The following CGNL1 variants were observed in gnomAD, a reference collection of about 807,000 sequenced individuals.
CGNL1 encodes cingulin-like protein 1.
In CGNL1, 132 loss-of-function variants were observed where a neutral mutation model predicts 141.2. The observed-to-expected ratio is 0.93, with a 90% CI of 0.81 to 1.08. The LOEUF (loss-of-function observed/expected upper bound fraction) is 1.08. CGNL1 is among the 50% of genes least tolerant of loss of function. The pLI is 0.00. For synonymous variants in CGNL1, 690 were observed against 622.1 expected (o/e 1.11, Z -1.63); for missense variants, 1,870 against 1,588.6 (o/e 1.18, Z -3.01).
intron 1 of CGNL1, among the ~76,000 whole-genome samples, chr15:57,423,059 T>C (rs998549144): frequency 1.3e-5 from 2 of 152,134 alleles, no homozygotes; most frequent in Non-Finnish European, 2.9e-5. Flanking sequence ...GAAGTGACTC[T>C]TTTTGTCTGG....
At chr15:57,475,492 GGTGTGTGTGTGTGTGT>G (rs72168222) in intron 8 of CGNL1, among the ~76,000 whole-genome samples, 210 of 147,910 alleles carry the variant, frequency 1.4e-3, no homozygotes, top group East Asian at 9.9e-3. Flanking sequence ...ATACAAGTGT[GGTGTGTGTGTGTGTGT>G]GTGTGTGTGT....
chr15:57,389,116 C>T (rs1260679917), intron 1 of CGNL1, among the ~76,000 whole-genome samples: 3 of 151,986 alleles, frequency 2.0e-5, no homozygotes, highest in African/African-American at 7.3e-5. Flanking sequence ...TGCACCTGGG[C>T]AGCTGGGCTT....
intron 7 of CGNL1, among the ~76,000 whole-genome samples, chr15:57,458,911 C>A (rs1240188430): frequency 6.6e-6 from 1 of 152,214 alleles, no homozygotes; most frequent in African/African-American, 2.4e-5. Context: ...TAGTTAGATT[C>A]TTGATGGGCA....
chr15:57,438,942 G>C lies in CGNL1; in HGVS notation c.943G>C (p.Asp315His), dbSNP rs765482546. ...CAACTCTTTGTACAGGTTTTTACTG[G>C]ATGATCAGGAATGTGCCATCCATGC... ...SANSLYRFLL[D>H]DQECAIHADN... Residue 315 changes from aspartate to histidine, a missense_variant, in exon 2 of 19, where the codon GAT becomes CAT. Coordinates refer to ENST00000281282, the MANE Select transcript of CGNL1 (RefSeq NM_032866.5). The C allele has an allele frequency of 6.2e-7, 1 of 1,614,170 alleles. No homozygotes were observed.
At chr15:57,419,642 T>C (rs545769812) in intron 1 of CGNL1, among the ~76,000 whole-genome samples, 15 of 152,334 alleles carry the variant, frequency 9.8e-5, no homozygotes, top group Admixed American at 9.8e-4. Flanking sequence ...ATGGGGCTTC[T>C]ATGTGGGAGG....
intron 10 of CGNL1, 133 bp from the exon 11 acceptor site, chr15:57,523,356 T>C: frequency 1.3e-6 from 1 of 743,558 alleles, no homozygotes; most frequent in Non-Finnish European, 2.2e-6. Flanking sequence ...AGCTTTATTT[T>C]GATCTTCTTC....
At position 57,461,190 on chromosome 15, in the gene CGNL1, T is replaced by C. The variant is rs140018564; in HGVS notation, c.2191-490T>C. Among the ~76,000 whole-genome samples, 726 of 152,198 alleles carry C rather than the reference T, an allele frequency of 4.8e-3. 2 individuals carry two copies. Among genetic ancestry groups the C allele is most frequent in the Non-Finnish European group, 8.1e-3 (553 of 67,986 alleles). On this transcript the variant is annotated intron_variant, in intron 7 of 18. Coordinates refer to ENST00000281282, the MANE Select transcript of CGNL1 (RefSeq NM_032866.5). ...ATATGAATATTGTGCTCTGCTCAGATGGGCAAATGAGATAGAAGAAAAACA... is the reference window on the plus strand; with the variant it reads ...ATATGAATATTGTGCTCTGCTCAGACGGGCAAATGAGATAGAAGAAAAACA...
chr15:57,469,484 C>T (rs545640274), intron 8 of CGNL1, among the ~76,000 whole-genome samples: 1 of 151,748 alleles, frequency 6.6e-6, no homozygotes, highest in South Asian at 2.1e-4. Flanking sequence ...GAAGCAGCCA[C>T]ATCCAGTGAC....
At chr15:57,492,532 T>C (rs1186423119) in intron 8 of CGNL1, among the ~76,000 whole-genome samples, 2 of 152,132 alleles carry the variant, frequency 1.3e-5, no homozygotes, top group Non-Finnish European at 2.9e-5. Context: ...TAAAAGATCA[T>C]AGGAAATATA....
intron 1 of CGNL1, among the ~76,000 whole-genome samples, chr15:57,390,506 C>T (rs2062530849): frequency 6.6e-6 from 1 of 152,202 alleles, no homozygotes; most frequent in Non-Finnish European, 1.5e-5. Context: ...AACTCGAAGT[C>T]ATATGGCAAA....
At chr15:57,468,234 CTTTTTT>C (rs57360097) in intron 8 of CGNL1, among the ~76,000 whole-genome samples, 18 of 85,910 alleles carry the variant, frequency 2.1e-4, no homozygotes, top group Middle Eastern at 7.0e-3. Context: ...TTTTCTTTTT[CTTTTTT>C]TTTTTTTTTT....
At chr15:57,382,394 A>T (rs772371146) in intron 1 of CGNL1, among the ~76,000 whole-genome samples, 1 of 152,118 alleles carries the variant, frequency 6.6e-6, no homozygotes, top group Non-Finnish European at 1.5e-5. Context: ...TTTGTTATGA[A>T]CGTGCAATAT....
intron 14 of CGNL1, among the ~76,000 whole-genome samples, chr15:57,538,903 G>A (rs2032413987): frequency 6.6e-6 from 1 of 152,180 alleles, no homozygotes; most frequent in South Asian, 2.1e-4. Flanking sequence ...AAAAAAGAGT[G>A]TATGAGTTTT....
intron 8 of CGNL1, among the ~76,000 whole-genome samples, chr15:57,481,064 G>GTTTTTTTTTTTTTTTTTTTTTTTT (rs11298152): frequency 8.6e-6 from 1 of 116,086 alleles, no homozygotes; most frequent in African/African-American, 3.1e-5. Flanking sequence ...AAGACCTGGG[G>GTTTTTTTTTTTTTTTTTTTTTTTT]TTTTTTTTTT....
At chr15:57,538,722 A>G (rs1186991224) in intron 14 of CGNL1, among the ~76,000 whole-genome samples, 1 of 152,102 alleles carries the variant, frequency 6.6e-6, no homozygotes, top group Non-Finnish European at 1.5e-5. Context: ...CTGCGTGACC[A>G]CTTGGCCATC....
intron 1 of CGNL1, among the ~76,000 whole-genome samples, chr15:57,412,404 C>G (rs1232153305): frequency 6.6e-6 from 1 of 152,220 alleles, no homozygotes; most frequent in African/African-American, 2.4e-5. Context: ...TTACTCTGCT[C>G]TCCTCTGGCC....
intron 1 of CGNL1, among the ~76,000 whole-genome samples, chr15:57,436,014 C>CA (rs766210526): frequency 2.4e-4 from 36 of 152,142 alleles, no homozygotes; most frequent in Non-Finnish European, 4.9e-4. Context: ...CAAACAAAAA[C>CA]AGCACAGCAA....
intron 8 of CGNL1, among the ~76,000 whole-genome samples, chr15:57,515,853 C>T (rs557626663): frequency 6.6e-6 from 1 of 152,188 alleles, no homozygotes; most frequent in South Asian, 2.1e-4. Context: ...TGCCCTTCCT[C>T]AAGAGCTTCT....
chr15:57,472,234 G>C (rs958628461), intron 8 of CGNL1, among the ~76,000 whole-genome samples: 6 of 152,054 alleles, frequency 3.9e-5, no homozygotes, highest in Non-Finnish European at 8.8e-5. Flanking sequence ...TCCAAGCAGA[G>C]GAAATAGCAT....
Sources: gnomAD v4.1 joint callset for allele counts (sites outside exome capture counted in the v4.1 genomes callset) on GRCh38, gnomAD v4.1.1 for gene constraint, MANE v1.5 for transcripts, NCBI Gene and HGNC (gene_info 2026-07-23, HGNC 2026-07-21) for gene names.